Variants in BRIP1 observed in about 807,000 individuals in gnomAD.
The protein encoded by BRIP1 is BRCA1 interacting DNA helicase 1, also known as Fanconi anemia group J protein.
In BRIP1, 88 loss-of-function variants were observed where a neutral mutation model predicts 119.7. That is an observed-to-expected ratio of 0.74 (90% confidence interval 0.62 to 0.88). The LOEUF is 0.88. BRIP1 is among the 40% of genes least tolerant of loss of function. The pLI is 0.00. For synonymous variants in BRIP1, 443 were observed against 496.5 expected (o/e 0.89, Z 1.43); for missense variants, 1,259 against 1,455.4 (o/e 0.87, Z 2.20).
rs1555602531 is a variant in BRIP1 at position 61,780,906 on chromosome 17, A to G, written c.1728T>C (p.Asn576=). The part of the protein sequence containing the change: ...DKNGLLVLPK[N]KKRSRQKTAV... The stretch of plus-strand genomic sequence containing the variant: ...CAGTTTTCTGTCGTGAACGTTTCTT[A>G]TTTTTTGGTAGAACCAACAACCCAT... The change falls in exon 12 of 20, where the codon AAT becomes AAC. Residue 576 remains asparagine, a synonymous_variant. Coordinates refer to ENST00000259008, the MANE Select transcript of BRIP1 (RefSeq NM_032043.3). This position sits in a 1 kb window ranked among gnomAD's most constrained non-coding sequence, Gnocchi z 5.4. 1 of 1,614,144 alleles carries G rather than the reference A, an allele frequency of 6.2e-7. No individual in the cohort carries two copies. The highest frequency in any genetic ancestry group is 8.5e-7 in the Non-Finnish European group (1 of 1,180,008).
At position 61,846,455 on chromosome 17, in the gene BRIP1, T is replaced by G. The variant is rs1373544135; in HGVS notation, c.627+646A>C. 6.6e-6 allele frequency among the ~76,000 whole-genome samples: 1 copy of G among 151,982 alleles called. No homozygotes were observed. Among genetic ancestry groups the G allele is most frequent in the Admixed American group, 6.6e-5 (1 of 15,252 alleles). ...GGCTGGAGTGCAGTGTGGTGCAATC[T>G]TGGCTCAGTGCACCTTTGCCTCCTG... is the stretch of plus-strand genomic sequence containing the variant. On this transcript the variant is annotated intron_variant, in intron 6 of 19. Transcript: ENST00000259008. This position sits in a 1 kb window ranked among gnomAD's most constrained non-coding sequence, Gnocchi z 4.3.
intron 10 of BRIP1, among the ~76,000 whole-genome samples, chr17:61,787,311 T>C (rs1225693738): frequency 2.8e-5 from 3 of 106,802 alleles, no homozygotes; most frequent in African/African-American, 3.6e-5. Flanking sequence ...TAAAAATATA[T>C]TATATACTAT....
intron 6 of BRIP1, among the ~76,000 whole-genome samples, chr17:61,812,357 C>G (rs1182261003): frequency 6.6e-6 from 1 of 152,004 alleles, no homozygotes; most frequent in Non-Finnish European, 1.5e-5. Context: ...TTCCTTTTCT[C>G]CAGGAAACTA....
intron 10 of BRIP1, among the ~76,000 whole-genome samples, chr17:61,790,582 G>A (rs2077800827): frequency 6.6e-6 from 1 of 151,976 alleles, no homozygotes; most frequent in Non-Finnish European, 1.5e-5. Flanking sequence ...TGGTTGTGTT[G>A]GAAGCAGTTC....
In BRIP1 at chr17:61,704,169, T is replaced by C. The variant is rs1391843303; in HGVS notation, c.2493-10657A>G. On this transcript the variant is annotated intron_variant, in intron 17 of 19. Coordinates refer to ENST00000259008, the MANE Select transcript of BRIP1 (RefSeq NM_032043.3). The surrounding 1 kb of genome is among the most constrained non-coding windows in gnomAD (Gnocchi z 5.7). Reference sequence around the variant, plus strand: ...CCCCATTGTTTATTTTTGCTAATTTTGTCAAAGATCAGATGGTTGTAGGTG... The same window carrying C: ...CCCCATTGTTTATTTTTGCTAATTTCGTCAAAGATCAGATGGTTGTAGGTG... Among the ~76,000 whole-genome samples, 1 of 152,174 alleles carries C rather than the reference T, an allele frequency of 6.6e-6. No homozygotes were observed. The highest frequency in any genetic ancestry group is 2.4e-5 in the African/African-American group (1 of 41,458).
rs1481230544 is a variant in BRIP1 at position 61,862,304 on chromosome 17, T to C, written c.-30-735A>G. 6.6e-6 allele frequency among the ~76,000 whole-genome samples: 1 copy of C among 152,236 alleles called. No individual in the cohort carries two copies. The highest frequency in any genetic ancestry group is 2.4e-5 in the African/African-American group (1 of 41,466). On this transcript the variant is annotated intron_variant, in intron 1 of 19. Transcript: ENST00000259008. This position sits in a 1 kb window ranked among gnomAD's most constrained non-coding sequence, Gnocchi z 5.3. ...TGTTATTTGAAGATCAGTAGAGTAT[T>C]ATAGAAACAGGATGGGCTTTGGAGT...
At chr17:61,791,105 G>A (rs1201270531) in intron 10 of BRIP1, among the ~76,000 whole-genome samples, 2 of 152,000 alleles carry the variant, frequency 1.3e-5, no homozygotes, top group East Asian at 1.9e-4. Context: ...CACATGCCCC[G>A]AATACTATTG....
Position 61,684,345 on chromosome 17 carries a change from A to G in BRIP1, c.2906-205T>C, listed in dbSNP as rs11871785. On this transcript the variant is annotated intron_variant, in intron 19 of 19. Transcript: ENST00000259008. The surrounding 1 kb of genome is among the most constrained non-coding windows in gnomAD (Gnocchi z 4.5). Reference sequence around the variant, plus strand: ...TAGGTCTCTAATGTTTCCTAGCCCAAGTTATAATGCTGTCTGGTAAACTAT... The same window carrying G: ...TAGGTCTCTAATGTTTCCTAGCCCAGGTTATAATGCTGTCTGGTAAACTAT... 0.34 allele frequency among the ~76,000 whole-genome samples: 51,431 copies of G among 151,964 alleles called. 8,912 individuals are homozygous for G. Among genetic ancestry groups the G allele is most frequent in the East Asian group, 0.49 (2,531 of 5,162 alleles).
Position 61,724,062 on chromosome 17 carries a change from T to C in BRIP1, c.2380-7999A>G, listed in dbSNP as rs963289415. On this transcript the variant is annotated intron_variant, in intron 16 of 19. Transcript: ENST00000259008. This position sits in a 1 kb window ranked among gnomAD's most constrained non-coding sequence, Gnocchi z 5.1. ...ATCATTTCATAATTGAAGGTCAAGT[T>C]TGTACCAAATGTAAAGCTCCCTTAC... Among the ~76,000 whole-genome samples the C allele has an allele frequency of 2.6e-4, 39 of 152,056 alleles. No homozygotes were observed. Among genetic ancestry groups the C allele is most frequent in the African/African-American group, 9.2e-4 (38 of 41,402 alleles).
intron 6 of BRIP1, among the ~76,000 whole-genome samples, chr17:61,837,764 T>C (rs919504397): frequency 3.9e-5 from 6 of 152,086 alleles, no homozygotes; most frequent in African/African-American, 1.4e-4. Flanking sequence ...CACTAGAACT[T>C]TGACATATGA....
Position 61,742,956 on chromosome 17 carries a change from C to T in BRIP1, c.2379+57G>A. The T allele has an allele frequency of 1.9e-6, 3 of 1,600,552 alleles. No homozygotes were observed. The South Asian group carries it at 3.3e-5, about 18-fold the overall frequency. ...TAAAATGAGGGATCCCTGCAATTAA[C>T]TTTATACAAAACCAATGACTCCTGT... On this transcript the variant is annotated intron_variant, in intron 16 of 19. Transcript: ENST00000259008. This position sits in a 1 kb window ranked among gnomAD's most constrained non-coding sequence, Gnocchi z 4.7.
At chr17:61,749,521 G>C (rs1422947520) in intron 14 of BRIP1, among the ~76,000 whole-genome samples, 2 of 152,046 alleles carry the variant, frequency 1.3e-5, no homozygotes, top group Non-Finnish European at 2.9e-5. Flanking sequence ...TAATTATCAG[G>C]GAAATGCAAA....
rs887673720 is a variant in BRIP1, at chr17:61,794,637, C to T, written c.1341-908G>A. Among the ~76,000 whole-genome samples the T allele has an allele frequency of 2.7e-5, 4 of 150,696 alleles. No homozygotes were observed. In the Admixed American group the frequency reaches 2.7e-4, roughly 10 times the overall value. Reference sequence around the variant, plus strand: ...TAATATGTACAACAAACCCCCATAACATGTTTACCTGTATAACAAACCTGC... The same window carrying T: ...TAATATGTACAACAAACCCCCATAATATGTTTACCTGTATAACAAACCTGC... On this transcript the variant is annotated intron_variant, in intron 9 of 19. Coordinates refer to ENST00000259008, the MANE Select transcript of BRIP1 (RefSeq NM_032043.3). The surrounding 1 kb of genome is among the most constrained non-coding windows in gnomAD (Gnocchi z 4.3).
chr17:61,787,152 T>C (rs1476678837), intron 10 of BRIP1, among the ~76,000 whole-genome samples: 1 of 104,790 alleles, frequency 9.5e-6, no homozygotes, highest in Non-Finnish European at 1.7e-5. Flanking sequence ...TATATAAAAA[T>C]ATATTATATA....
rs1026840252 is a variant in BRIP1 at position 61,736,172 on chromosome 17, A to G, written c.2379+6841T>C. On this transcript the variant is annotated intron_variant, in intron 16 of 19. Coordinates refer to ENST00000259008, the MANE Select transcript of BRIP1 (RefSeq NM_032043.3). This position sits in a 1 kb window ranked among gnomAD's most constrained non-coding sequence, Gnocchi z 4.4. ...AAGACCTCGCCTCTCCAAAAAAAAA[A>G]AAAAGTTTAGCCAGGTGTGGTGGCA... 4.0e-5 allele frequency among the ~76,000 whole-genome samples: 6 copies of G among 151,534 alleles called. No homozygotes were observed. Among genetic ancestry groups the G allele is most frequent in the Admixed American group, 2.6e-4 (4 of 15,234 alleles).
At position 61,710,632 on chromosome 17, in the gene BRIP1, T is replaced by A. The variant is rs570337696; in HGVS notation, c.2492+5319A>T. On this transcript the variant is annotated intron_variant, in intron 17 of 19. Coordinates refer to ENST00000259008, the MANE Select transcript of BRIP1 (RefSeq NM_032043.3). This position sits in a 1 kb window ranked among gnomAD's most constrained non-coding sequence, Gnocchi z 5.4. ...CATGTTTGATAGTTTAATACTGACA[T>A]ACTTATGTTTAATAGTGAAAAATTC... Among the ~76,000 whole-genome samples the A allele has an allele frequency of 1.3e-5, 2 of 152,316 alleles. No individual in the cohort carries two copies. Among genetic ancestry groups the A allele is most frequent in the South Asian group, 4.1e-4 (2 of 4,830 alleles).
In BRIP1 at chr17:61,767,725, T is replaced by G. The variant is rs1289700450; in HGVS notation, c.2097+8676A>C. Among the ~76,000 whole-genome samples, 2 of 152,206 alleles carry G rather than the reference T, an allele frequency of 1.3e-5. No individual in the cohort carries two copies. Among genetic ancestry groups the G allele is most frequent in the East Asian group, 3.9e-4 (2 of 5,194 alleles). ...GATTACAGGTGTGAGTCACCGCACC[T>G]GGCCCTTATCCTATGTTTCTTTTAT... On this transcript the variant is annotated intron_variant, in intron 14 of 19. Coordinates refer to ENST00000259008, the MANE Select transcript of BRIP1 (RefSeq NM_032043.3). The surrounding 1 kb of genome is among the most constrained non-coding windows in gnomAD (Gnocchi z 5.7).
Position 61,768,404 on chromosome 17 carries a change from T to C in BRIP1, c.2097+7997A>G, listed in dbSNP as rs1368446990. On this transcript the variant is annotated intron_variant, in intron 14 of 19. Transcript: ENST00000259008. This position sits in a 1 kb window ranked among gnomAD's most constrained non-coding sequence, Gnocchi z 5.0. ...CTACGGGAAATCACAGGAATTTTAGTTTGCAGTTCTAAAATACCTCTAACT... is the reference window on the plus strand; with the variant it reads ...CTACGGGAAATCACAGGAATTTTAGCTTGCAGTTCTAAAATACCTCTAACT... Among the ~76,000 whole-genome samples, 1 of 152,136 alleles carries C rather than the reference T, an allele frequency of 6.6e-6. No homozygotes were observed. The highest frequency in any genetic ancestry group is 6.6e-5 in the Admixed American group (1 of 15,260).
chr17:61,849,925 A>G (rs993816299), intron 4 of BRIP1, among the ~76,000 whole-genome samples: 2 of 152,168 alleles, frequency 1.3e-5, no homozygotes, highest in South Asian at 2.1e-4. Context: ...GGAACACAGC[A>G]AACACATTTT....
Sources: allele counts gnomAD v4.1 joint callset (sites outside exome capture counted in the v4.1 genomes callset), GRCh38; gene constraint gnomAD v4.1.1; non-coding constraint Gnocchi (gnomAD v3.1); transcripts MANE v1.5; gene names NCBI Gene and HGNC (gene_info 2026-07-23, HGNC 2026-07-21).